RELL1: variants seen among roughly 807,000 people sequenced by gnomAD.
RELL1 encodes the protein RELT like 1, also known as RELT-like protein 1.
Under a neutral mutation model 23.0 loss-of-function variants are expected in RELL1, and 10 were observed. The observed-to-expected ratio is 0.43, with a 90% CI of 0.27 to 0.74. The LOEUF is 0.74. Among genes scored for constraint, RELL1 ranks in the 30% least tolerant of loss-of-function variants. The pLI, the probability that RELL1 is intolerant of heterozygous loss-of-function variation, is 0.19. For missense variants in RELL1, 315 were observed against 364.4 expected (o/e 0.86, Z 1.10); for synonymous variants, 146 against 146.8 (o/e 0.99, Z 0.04).
At chr4:37,644,663 T>C (rs1364001263) in intron 3 of RELL1, among the ~76,000 whole-genome samples, 1 of 151,872 alleles carries the variant, frequency 6.6e-6, no homozygotes, top group East Asian at 1.9e-4. Context: ...TTTCACCACG[T>C]TGGCCAGGCT....
chr4:37,608,574 G>GA (rs1560326121), downstream of RELL1, among the ~76,000 whole-genome samples: 2 of 151,496 alleles, frequency 1.3e-5, no homozygotes, highest in African/African-American at 2.4e-5. Context: ...GGAAGCTGCA[G>GA]AAAAAAGGTA....
chr4:37,659,681 T>C (rs190021232), intron 1 of RELL1, among the ~76,000 whole-genome samples: 1 of 152,298 alleles, frequency 6.6e-6, no homozygotes, highest in African/African-American at 2.4e-5. Flanking sequence ...AAGCAGGAGC[T>C]GATGTCCTTC....
At chr4:37,586,449 G>A (rs1718344161), downstream of RELL1, among the ~76,000 whole-genome samples, 2 of 152,134 alleles carry the variant, frequency 1.3e-5, no homozygotes, top group South Asian at 4.1e-4. Context: ...AAGGAAAGAG[G>A]GTGGCAAGAG....
At chr4:37,621,322 G>C (rs1471826321) in intron 6 of RELL1, among the ~76,000 whole-genome samples, 3 of 152,044 alleles carry the variant, frequency 2.0e-5, no homozygotes, top group African/African-American at 4.8e-5. Context: ...CAGGCGTGGT[G>C]GTGGGCACCT....
chr4:37,656,392 A>T (rs1379357513), intron 1 of RELL1, among the ~76,000 whole-genome samples: 2 of 152,236 alleles, frequency 1.3e-5, no homozygotes, highest in Non-Finnish European at 2.9e-5. Context: ...CAGGCACAAA[A>T]TATAAATTTT....
intron 1 of RELL1, among the ~76,000 whole-genome samples, chr4:37,660,197 G>T (rs1406975436): frequency 6.6e-6 from 1 of 151,836 alleles, no homozygotes; most frequent in Non-Finnish European, 1.5e-5. Context: ...TCTCTAAAGG[G>T]GTTTTTCTTC....
chr4:37,591,032 T>C (rs1718584189), exon 7 of RELL1: 1 of 1,556,262 alleles, frequency 6.4e-7, no homozygotes, highest in East Asian at 2.3e-5. Context: ...GGTAAGCTGG[T>C]GTCATGCTGA....
chr4:37,669,485 G>A (rs1197535814), intron 1 of RELL1, among the ~76,000 whole-genome samples: 1 of 151,558 alleles, frequency 6.6e-6, no homozygotes, highest in Admixed American at 6.6e-5. Context: ...ACCCCTACTG[G>A]GAAGTGAGGA....
At chr4:37,596,724 ATATATATATATATTTTTTTTTTT>A (rs1718860649) in intron 6 of RELL1, among the ~76,000 whole-genome samples, 1 of 12,112 alleles carries the variant, frequency 8.3e-5, no homozygotes, top group Admixed American at 5.5e-4. Flanking sequence ...ATATATATAT[ATATATATATATATTTTTTTTTTT>A]TTTTTTTTTT....
intron 1 of RELL1, among the ~76,000 whole-genome samples, chr4:37,672,228 C>A (rs1374242784): frequency 6.6e-6 from 1 of 152,140 alleles, no homozygotes; most frequent in Non-Finnish European, 1.5e-5. Flanking sequence ...CCTGTAATCA[C>A]ATGGTTGGTT....
intron 6 of RELL1, among the ~76,000 whole-genome samples, chr4:37,593,330 G>A (rs185293291): frequency 6.6e-6 from 1 of 152,070 alleles, no homozygotes; most frequent in Non-Finnish European, 1.5e-5. Flanking sequence ...ACTGGCCCGT[G>A]TATCAATGAC....
intron 1 of RELL1, among the ~76,000 whole-genome samples, chr4:37,658,120 C>G (rs941031349): frequency 7.2e-4 from 110 of 152,066 alleles, no homozygotes; most frequent in African/African-American, 2.6e-3. Flanking sequence ...GAAGAGGGGA[C>G]TTCAGCAGAC....
intron 6 of RELL1, among the ~76,000 whole-genome samples, chr4:37,628,929 T>C (rs2109254662): frequency 6.6e-6 from 1 of 152,072 alleles, no homozygotes; most frequent in Middle Eastern, 3.4e-3. Flanking sequence ...GGACCAAATT[T>C]CTATAATCAG....
chr4:37,602,241 C>G (rs947563402), intron 6 of RELL1, among the ~76,000 whole-genome samples: 5 of 114,928 alleles, frequency 4.4e-5, no homozygotes, highest in African/African-American at 9.9e-5. Flanking sequence ...AAAAAAAAAG[C>G]AACCAGCACT....
At position 37,686,336 on chromosome 4, in the gene RELL1, G is replaced by C. The variant is rs527920149; in HGVS notation, c.-49C>G. 150 of 1,410,702 alleles carry C rather than the reference G, an allele frequency of 1.1e-4. 1 individual carries two copies. The South Asian group carries it at 1.7e-3, about 16-fold the overall frequency. The allele number at this position is 1,410,702 out of a possible 1,614,324, so 87.4% of individuals were successfully genotyped here. Reference sequence around the variant, plus strand: ...CCCCAGGGCGCCGCGTCCCGCGCTCGGGAAGGCAGAGCCGCTCCGGAGCCG... The same window carrying C: ...CCCCAGGGCGCCGCGTCCCGCGCTCCGGAAGGCAGAGCCGCTCCGGAGCCG... On this transcript the variant is annotated 5_prime_UTR_variant, in exon 1 of 7. Coordinates refer to ENST00000454158, the MANE Select transcript of RELL1 (RefSeq NM_001085400.2).
downstream of RELL1, among the ~76,000 whole-genome samples, chr4:37,607,246 C>T (rs1719251205): frequency 6.6e-6 from 1 of 152,182 alleles, no homozygotes; most frequent in South Asian, 2.1e-4. Context: ...GGATGCAATC[C>T]AAAGAACGTT....
chr4:37,651,987 G>T (rs572990861), intron 1 of RELL1, among the ~76,000 whole-genome samples: 4 of 152,226 alleles, frequency 2.6e-5, no homozygotes, highest in African/African-American at 9.6e-5. Flanking sequence ...ACGCCAGCGT[G>T]GCCAAGCAGG....
chr4:37,663,627 C>T (rs886341827), intron 1 of RELL1, among the ~76,000 whole-genome samples: 1 of 152,110 alleles, frequency 6.6e-6, no homozygotes, highest in Non-Finnish European at 1.5e-5. Context: ...CTCTCATTAC[C>T]CCCATTCGCA....
intron 6 of RELL1, among the ~76,000 whole-genome samples, chr4:37,626,945 CT>C: frequency 6.6e-6 from 1 of 152,178 alleles, no homozygotes; most frequent in South Asian, 2.1e-4. Flanking sequence ...TTCAAGAGAT[CT>C]ATTGTACAAC....
Sources: gnomAD v4.1 joint callset for allele counts (sites outside exome capture counted in the v4.1 genomes callset) on GRCh38, gnomAD v4.1.1 for gene constraint, MANE v1.5 for transcripts, NCBI Gene and HGNC (gene_info 2026-07-23, HGNC 2026-07-21) for gene names.